Variants in MARS1 observed in about 807,000 individuals in gnomAD.
MARS1 encodes the protein methionine--tRNA ligase, cytoplasmic.
In MARS1, 80 loss-of-function variants were observed where a neutral mutation model predicts 119.5. The observed-to-expected ratio is 0.67, with a 90% CI of 0.56 to 0.81. The LOEUF is 0.81. Among genes scored for constraint, MARS1 ranks in the 30% least tolerant of loss-of-function variants. The pLI is 0.00. For synonymous variants in MARS1, 418 were observed against 433.4 expected (o/e 0.96, Z 0.44); for missense variants, 945 against 1,116.5 (o/e 0.85, Z 2.19).
Position 57,515,294 on chromosome 12 carries a change from A to G in MARS1, c.2349A>G (p.Thr783=). 6.2e-7 allele frequency: 1 copy of G among 1,613,804 alleles called. No homozygotes were observed. The highest frequency in any genetic ancestry group is 2.2e-5 in the East Asian group (1 of 44,888). ...LPPPACSILL[T]NFLCTLPAGH... is the part of the protein sequence containing the mutation. ...CTCCAGCCTGCAGTATCCTGCTGAC[A>G]AACTTCCTGTGTACCTTACCAGCAG... The change falls in exon 18 of 21, where the codon ACA becomes ACG. Residue 783 remains threonine (T), a synonymous_variant. Transcript: ENST00000262027.
chr12:57,493,782 T>TAA (rs1876348002), intron 7 of MARS1, among the ~76,000 whole-genome samples: 1 of 1,862 alleles, frequency 5.4e-4, no homozygotes, highest in African/African-American at 2.1e-3. Flanking sequence ...ATAATATATA[T>TAA]TATATATTAT....
intron 7 of MARS1, among the ~76,000 whole-genome samples, chr12:57,494,461 G>C (rs1046855744): frequency 1.2e-4 from 18 of 144,584 alleles, no homozygotes; most frequent in African/African-American, 4.6e-4. Flanking sequence ...CTGAGTAGCT[G>C]GGATTACAGG....
chr12:57,490,939 C>T lies in MARS1; in HGVS notation c.770+295C>T, dbSNP rs1236653190. ...TTGCCCAGGCTGGAGTGCATTGGCG[C>T]GATCTCAGCTTACTGCAACCTCCGC... On this transcript the variant is annotated intron_variant, in intron 7 of 20. Transcript: ENST00000262027. Among the ~76,000 whole-genome samples the T allele has an allele frequency of 4.2e-5, 6 of 144,130 alleles. No homozygotes were observed. In the South Asian group the frequency reaches 8.8e-4, roughly 21 times the overall value. The allele number at this position is 144,130 out of a possible 152,430, so 94.6% of individuals were successfully genotyped here.
chr12:57,496,455 A>G (rs1013000127), intron 7 of MARS1, among the ~76,000 whole-genome samples: 2 of 151,980 alleles, frequency 1.3e-5, no homozygotes, highest in African/African-American at 4.8e-5. Flanking sequence ...GAGCCACTGC[A>G]TCCGGCCAAT....
At position 57,490,068 on chromosome 12, in the gene MARS1, G is replaced by C. The variant is rs2139999090; in HGVS notation, c.490+97G>C. The stretch of plus-strand genomic sequence containing the variant: ...GAGAACTCCCTTCAAGGTACAGCTT[G>C]ACTGGGCAACTATAGCAGAAGATGG... On this transcript the variant is annotated intron_variant, in intron 5 of 20. Transcript: ENST00000262027. The C allele has an allele frequency of 2.1e-6, 3 of 1,448,952 alleles. No individual in the cohort carries two copies. The East Asian group carries it at 6.8e-5, about 33-fold the overall frequency. 89.8% of individuals were successfully genotyped at this position (1,448,952 alleles called of 1,614,324 possible). A position where few individuals can be genotyped will look rare whatever the true frequency, so the allele number is the denominator to read the frequency against.
At chr12:57,499,516 A>G (rs1428606591) in intron 9 of MARS1, among the ~76,000 whole-genome samples, 4 of 150,438 alleles carry the variant, frequency 2.7e-5, no homozygotes, top group African/African-American at 9.8e-5. Flanking sequence ...AGGCAGGAGA[A>G]TGGCATGAAC....
At chr12:57,488,762 G>T in intron 1 of MARS1, 1 of 1,135,336 alleles carries the variant, frequency 8.8e-7, no homozygotes, top group Non-Finnish European at 1.3e-6. Context: ...CTTGGCTGCA[G>T]CACTATCCCA....
intron 11 of MARS1, among the ~76,000 whole-genome samples, chr12:57,505,379 C>T (rs1413189462): frequency 4.6e-5 from 7 of 152,034 alleles, no homozygotes; most frequent in Admixed American, 4.6e-4. Flanking sequence ...CCAGGCTGGT[C>T]TCGAACTCCT....
intron 7 of MARS1, among the ~76,000 whole-genome samples, chr12:57,494,000 G>A (rs548055595): frequency 3.9e-4 from 50 of 128,464 alleles, no homozygotes; most frequent in African/African-American, 1.4e-3. Context: ...TTGTCATCCA[G>A]TCTGGAGTGC....
chr12:57,511,841 T>C lies in MARS1; in HGVS notation c.1512T>C (p.Pro504=). The part of the protein sequence containing the change: ...CITRDLKWGT[P]VPLEGFEDKV... ...CCCGAGACCTCAAATGGGGAACCCC[T>C]GTACCCTTAGAAGGTTTTGAAGACA... is the stretch of plus-strand genomic sequence containing the variant. Residue 504 remains proline (P), a synonymous_variant, in exon 12 of 21, where the codon CCT becomes CCC. Transcript: ENST00000262027. 3 of 1,614,176 alleles carry C rather than the reference T, an allele frequency of 1.9e-6. No homozygotes were observed. The highest frequency in any genetic ancestry group is 2.5e-6 in the Non-Finnish European group (3 of 1,180,012).
chr12:57,500,287 C>CG, intron 9 of MARS1, 34 bp from the exon 10 acceptor site: 1 of 1,592,148 alleles, frequency 6.3e-7, no homozygotes, highest in Non-Finnish European at 8.6e-7. Flanking sequence ...CGTCTTCTGA[C>CG]TGTCTCTTCC....
rs1443343402 is a variant in MARS1, at chr12:57,493,726, ATAT to A, written c.770+3086_770+3088del. On this transcript the variant is annotated intron_variant, in intron 7 of 20. Coordinates refer to ENST00000262027, the MANE Select transcript of MARS1 (RefSeq NM_004990.4). ...TATAATATATTATATATTATATATT[ATAT>A]TATATAATATATATTATATACATTA... Among the ~76,000 whole-genome samples the A allele has an allele frequency of 1.9e-3, 19 of 10,132 alleles. 4 individuals carry two copies. Among genetic ancestry groups the A allele is most frequent in the South Asian group, 0.017 (4 of 230 alleles). The allele number at this position is 10,132 out of a possible 152,430, so 6.6% of individuals were successfully genotyped here.
intron 7 of MARS1, among the ~76,000 whole-genome samples, 159 bp from the exon 8 acceptor site, chr12:57,497,998 G>A (rs1876719807): frequency 6.6e-6 from 1 of 152,096 alleles, no homozygotes. Flanking sequence ...AGAGTGCCTC[G>A]GGAAGCTGTG....
Position 57,498,170 on chromosome 12 carries a change from G to A in MARS1, c.784G>A (p.Gly262Arg). Residue 262 changes from glycine (G) to arginine (R), a missense_variant, in exon 8 of 21, where the codon GGA (glycine) becomes AGA (arginine). Physicochemically the swap from Gly to Arg is moderately radical, Grantham distance 125 (BLOSUM62 -2). Transcript: ENST00000262027. ...TTTCCTTACTAGGTTGCCTGTGGCT[G>A]GAGAAAGGAATGTGCTCATCACCAG... ...PQQNPVLPVAGERNVLITSAL... is the reference protein window; with the variant it reads ...PQQNPVLPVARERNVLITSAL... The A allele has an allele frequency of 6.2e-7, 1 of 1,613,360 alleles. No individual in the cohort carries two copies. The highest frequency in any genetic ancestry group is 8.5e-7 in the Non-Finnish European group (1 of 1,179,290).
Position 57,515,291 on chromosome 12 carries a change from G to C in MARS1, c.2346G>C (p.Leu782=). 6.2e-7 allele frequency: 1 copy of C among 1,613,754 alleles called. No individual in the cohort carries two copies. Among genetic ancestry groups the C allele is most frequent in the Non-Finnish European group, 8.5e-7 (1 of 1,180,026 alleles). ...QLPPPACSIL[L]TNFLCTLPAG... ...CACCTCCAGCCTGCAGTATCCTGCT[G>C]ACAAACTTCCTGTGTACCTTACCAG... The change falls in exon 18 of 21, where the codon CTG becomes CTC. Residue 782 remains leucine, a synonymous_variant. Coordinates refer to ENST00000262027, the MANE Select transcript of MARS1 (RefSeq NM_004990.4).
At chr12:57,488,583 A>AAC (rs759654369) in intron 1 of MARS1, 12 of 1,549,524 alleles carry the variant, frequency 7.7e-6, no homozygotes, top group Admixed American at 2.0e-5. Flanking sequence ...CTCCCCTCCT[A>AAC]ACACACACAC....
intron 11 of MARS1, among the ~76,000 whole-genome samples, chr12:57,511,228 G>A (rs1184799603): frequency 6.6e-6 from 1 of 152,106 alleles, no homozygotes; most frequent in Non-Finnish European, 1.5e-5. Context: ...TGATCCTCCT[G>A]CGTCAGCCTT....
At chr12:57,507,425 T>C (rs77981382) in intron 11 of MARS1, among the ~76,000 whole-genome samples, 4,811 of 19,736 alleles carry the variant, frequency 0.24, 2,213 homozygotes, top group East Asian at 0.56. Context: ...CCAGTAGGGG[T>C]GGCCGGGCAG....
intron 1 of MARS1, 105 bp downstream of exon 1, chr12:57,488,304 C>T: frequency 9.7e-7 from 1 of 1,028,264 alleles, no homozygotes; most frequent in Non-Finnish European, 1.4e-6. Flanking sequence ...GCCACACACC[C>T]CAATCGACCA....
Sources: allele counts gnomAD v4.1 joint callset (sites outside exome capture counted in the v4.1 genomes callset), GRCh38; gene constraint gnomAD v4.1.1; transcripts MANE v1.5; gene names NCBI Gene and HGNC (gene_info 2026-07-23, HGNC 2026-07-21).